Variants in CLVS1 observed in about 807,000 individuals in gnomAD.
CLVS1 encodes the protein clavesin 1.
Under a neutral mutation model 33.1 loss-of-function variants are expected in CLVS1, and 10 were observed. The ratio of observed to expected loss-of-function variants is 0.30; its 90% CI spans 0.19 to 0.51. The LOEUF (loss-of-function observed/expected upper bound fraction) is 0.51, where lower values mean the gene tolerates loss of function less well. Among genes scored for constraint, CLVS1 ranks in the 20% least tolerant of loss-of-function variants. The pLI is 0.97. For missense variants in CLVS1, 343 were observed against 433.4 expected (o/e 0.79, Z 1.85); for synonymous variants, 163 against 166.1 (o/e 0.98, Z 0.14).
intron 1 of CLVS1, among the ~76,000 whole-genome samples, chr8:61,121,111 A>G (rs1342675158): frequency 6.6e-6 from 1 of 151,828 alleles, no homozygotes; most frequent in Non-Finnish European, 1.5e-5. Context: ...AAAGCGCAGT[A>G]TTCGGGTGGG....
At chr8:61,153,453 C>A (rs1035252385) in intron 2 of CLVS1, among the ~76,000 whole-genome samples, 1 of 152,212 alleles carries the variant, frequency 6.6e-6, no homozygotes, top group Non-Finnish European at 1.5e-5. Context: ...ATGGCTCTCC[C>A]AGATGGTGGC....
At chr8:61,459,792 A>T (rs1817305736) in intron 5 of CLVS1, among the ~76,000 whole-genome samples, 1 of 152,224 alleles carries the variant, frequency 6.6e-6, no homozygotes, top group Non-Finnish European at 1.5e-5. Context: ...GTAATAAGTT[A>T]CTACAGACTG....
chr8:61,113,176 G>A lies in CLVS1; in HGVS notation c.-242-18594G>A, dbSNP rs566389826. On this transcript the variant is annotated intron_variant, in intron 1 of 2. Transcript: ENST00000522621. The stretch of plus-strand genomic sequence containing the variant: ...ACTGAGCTGGTAATTTGGCCCTTGG[G>A]CACATGGGGACATCAGTGGGGACTT... Among the ~76,000 whole-genome samples, 7 of 152,298 alleles carry A rather than the reference G, an allele frequency of 4.6e-5. No individual in the cohort carries two copies. In the East Asian group the frequency reaches 1.4e-3, roughly 29 times the overall value.
rs878865237 is a variant in CLVS1 at position 61,500,913 on chromosome 8, A to ATAT, written c.*1377_*1379dup. 6.6e-6 allele frequency: 1 copy of ATAT among 152,220 alleles called. No homozygotes were observed. The highest frequency in any genetic ancestry group is 2.4e-5 in the African/African-American group (1 of 41,456). The allele number at this position is 152,220 out of a possible 1,614,324, so 9.4% of individuals were successfully genotyped here. A position where few individuals can be genotyped will look rare whatever the true frequency, so the allele number is the denominator to read the frequency against. ...CAACTGGTCATAATCACCCCTGATA[A>ATAT]TATTATTACTAATCTTAATTATTTA... On this transcript the variant is annotated 3_prime_UTR_variant, in exon 6 of 6. Transcript: ENST00000325897.
chr8:61,407,875 A>G (rs930798331), intron 3 of CLVS1, among the ~76,000 whole-genome samples: 4 of 152,234 alleles, frequency 2.6e-5, no homozygotes, highest in African/African-American at 9.6e-5. Flanking sequence ...GTGTTTCAAA[A>G]GACAACATTC....
chr8:61,269,142 T>C (rs1052497343), intron 2 of CLVS1, among the ~76,000 whole-genome samples: 4 of 149,220 alleles, frequency 2.7e-5, no homozygotes, highest in Non-Finnish European at 3.0e-5. Context: ...AGGGTTTTTA[T>C]GGTTTTAGGT....
At chr8:61,191,898 C>T (rs1807491553) in intron 2 of CLVS1, among the ~76,000 whole-genome samples, 1 of 152,214 alleles carries the variant, frequency 6.6e-6, no homozygotes, top group South Asian at 2.1e-4. Context: ...AATGGAAGAA[C>T]ATTCCATGCT....
intron 2 of CLVS1, among the ~76,000 whole-genome samples, chr8:61,279,885 G>T (rs1193697917): frequency 6.6e-6 from 1 of 152,124 alleles, no homozygotes; most frequent in African/African-American, 2.4e-5. Flanking sequence ...TTGATTAATT[G>T]TCATTAGGAG....
At chr8:61,137,219 G>T (rs12678909) in intron 2 of CLVS1, among the ~76,000 whole-genome samples, 13,491 of 152,174 alleles carry the variant, frequency 0.089, 914 homozygotes, top group East Asian at 0.36. Flanking sequence ...AATGACCTTA[G>T]GAAAGTCTGA....
intron 2 of CLVS1, among the ~76,000 whole-genome samples, chr8:61,210,425 G>A (rs571434248): frequency 1.9e-4 from 29 of 152,350 alleles, no homozygotes; most frequent in Non-Finnish European, 2.8e-4. Context: ...AGTCTCAGGT[G>A]TTTTGTTATG....
At chr8:61,357,601 G>A (rs1417326414) in intron 2 of CLVS1, among the ~76,000 whole-genome samples, 1 of 145,080 alleles carries the variant, frequency 6.9e-6, no homozygotes, top group African/African-American at 2.6e-5. Flanking sequence ...CCCCTCCTAG[G>A]TTCAAGAGAT....
intron 3 of CLVS1, among the ~76,000 whole-genome samples, chr8:61,443,052 G>A (rs1020028022): frequency 4.0e-5 from 6 of 151,856 alleles, no homozygotes; most frequent in Non-Finnish European, 8.8e-5. Flanking sequence ...AAATTTTCTG[G>A]CATGTTTTTG....
At chr8:60,996,093 C>T in the CLVS1 span, among the ~76,000 whole-genome samples, 18 of 151,792 alleles carry the variant, frequency 1.2e-4, no homozygotes, top group Admixed American at 1.2e-3. Context: ...AGCGCACCAG[C>T]ATGGCACATG....
At chr8:61,126,096 G>A (rs1353222749) in intron 1 of CLVS1, among the ~76,000 whole-genome samples, 1 of 152,008 alleles carries the variant, frequency 6.6e-6, no homozygotes, top group Non-Finnish European at 1.5e-5. Context: ...GCCCCACTGT[G>A]AGCCTTCTGG....
intron 1 of CLVS1, among the ~76,000 whole-genome samples, chr8:61,066,117 G>A (rs954179209): frequency 3.9e-5 from 6 of 152,238 alleles, no homozygotes; most frequent in Non-Finnish European, 8.8e-5. Context: ...GGGGGTAAAA[G>A]TGGAGGGTAA....
chr8:61,062,656 G>A (rs903583941), intron 1 of CLVS1, among the ~76,000 whole-genome samples: 1 of 152,236 alleles, frequency 6.6e-6, no homozygotes, highest in Non-Finnish European at 1.5e-5. Context: ...GGATGGAGTA[G>A]AGTTTACGGC....
intron 2 of CLVS1, among the ~76,000 whole-genome samples, chr8:61,326,495 T>A (rs1039265876): frequency 6.6e-6 from 1 of 152,154 alleles, no homozygotes; most frequent in African/African-American, 2.4e-5. Flanking sequence ...TCTCTTGAAG[T>A]GGACTCTGGA....
At chr8:61,370,116 A>G (rs988714794) in intron 2 of CLVS1, among the ~76,000 whole-genome samples, 1 of 152,244 alleles carries the variant, frequency 6.6e-6, no homozygotes. Flanking sequence ...GTGGACCTTA[A>G]GAAATTTCCA....
intron 2 of CLVS1, among the ~76,000 whole-genome samples, chr8:61,232,342 A>C (rs1303596959): frequency 6.6e-6 from 1 of 151,974 alleles, no homozygotes; most frequent in Non-Finnish European, 1.5e-5. Flanking sequence ...GGCCGAGGAA[A>C]GTTTTAGGAT....
Sources: gnomAD v4.1 joint callset for allele counts (sites outside exome capture counted in the v4.1 genomes callset) on GRCh38, gnomAD v4.1.1 for gene constraint, MANE v1.5 for transcripts, NCBI Gene and HGNC (gene_info 2026-07-23, HGNC 2026-07-21) for gene names.